The following GRIK4 variants were observed in gnomAD, a reference collection of about 807,000 sequenced individuals.
The protein encoded by GRIK4 is glutamate ionotropic receptor kainate type subunit 4, also known as glutamate receptor ionotropic, kainate 4.
Under a neutral mutation model 104.9 loss-of-function variants are expected in GRIK4, and 40 were observed. The ratio of observed to expected loss-of-function variants is 0.38; its 90% confidence interval spans 0.30 to 0.50. GRIK4 has a LOEUF of 0.50. Among genes scored for constraint, GRIK4 ranks in the 20% least tolerant of loss-of-function variants. GRIK4 has a pLI of 0.93. For synonymous variants in GRIK4, 485 were observed against 524.9 expected (o/e 0.92, Z 1.04); for missense variants, 1,047 against 1,308.1 (o/e 0.80, Z 3.08).
At chr11:120,562,899 G>T (rs1948257684) in intron 1 of GRIK4, among the ~76,000 whole-genome samples, 2 of 152,194 alleles carry the variant, frequency 1.3e-5, no homozygotes, top group Non-Finnish European at 2.9e-5. Context: ...GATCAGAATG[G>T]GCAGCCAGCC....
intron 1 of GRIK4, among the ~76,000 whole-genome samples, chr11:120,520,620 C>A (rs571485542): frequency 1.3e-5 from 2 of 152,090 alleles, no homozygotes; most frequent in Non-Finnish European, 2.9e-5. Flanking sequence ...CCCACTGGAC[C>A]AACCAGGGTT....
chr11:120,940,361 T>C lies in GRIK4; in HGVS notation c.1491T>C (p.Ala497=), dbSNP rs1328669820. 2 of 1,611,588 alleles carry C rather than the reference T, an allele frequency of 1.2e-6. No homozygotes were observed. The highest frequency in any genetic ancestry group is 1.1e-5 in the South Asian group (1 of 90,912). ...GTTCTTTTCAGAAAGCAGATCTGGC[T>C]GTGGCAGGCCTCACCATTACAGCTG... ...GELIARKADL[A]VAGLTITAER... The change falls in exon 14 of 21, where the codon GCT becomes GCC. Residue 497 remains alanine, a synonymous_variant. Coordinates refer to ENST00000527524, the MANE Select transcript of GRIK4 (RefSeq NM_014619.5). This position sits in a 1 kb window ranked among gnomAD's most constrained non-coding sequence, Gnocchi z 4.3.
At chr11:120,625,815 A>G (rs1213023088) in intron 1 of GRIK4, among the ~76,000 whole-genome samples, 2 of 152,000 alleles carry the variant, frequency 1.3e-5, no homozygotes, top group South Asian at 4.2e-4. Flanking sequence ...GGAAGGACTC[A>G]TCAGGGTAGA....
At chr11:120,529,820 A>G (rs1947904918) in intron 1 of GRIK4, among the ~76,000 whole-genome samples, 1 of 152,210 alleles carries the variant, frequency 6.6e-6, no homozygotes, top group African/African-American at 2.4e-5. Flanking sequence ...TTTCACATCC[A>G]GCATCTCATT....
intron 13 of GRIK4, among the ~76,000 whole-genome samples, chr11:120,909,579 AG>A (rs1431060648): frequency 2.0e-5 from 3 of 152,204 alleles, no homozygotes; most frequent in Admixed American, 1.3e-4. Flanking sequence ...ATGAGGTGCC[AG>A]GGTATGTATG....
At chr11:120,882,231 G>A (rs1954987249) in intron 11 of GRIK4, among the ~76,000 whole-genome samples, 1 of 152,170 alleles carries the variant, frequency 6.6e-6, no homozygotes, top group African/African-American at 2.4e-5. Context: ...GCTCAGACAG[G>A]TTGAGGGGGG....
intron 11 of GRIK4, among the ~76,000 whole-genome samples, chr11:120,884,746 C>T (rs1391107871): frequency 2.0e-5 from 3 of 152,334 alleles, no homozygotes; most frequent in East Asian, 3.9e-4. Context: ...CAAGAGCTGC[C>T]GACACCCTCA....
chr11:120,660,056 C>T (rs1032377036), intron 2 of GRIK4, among the ~76,000 whole-genome samples: 8 of 152,222 alleles, frequency 5.3e-5, no homozygotes, highest in African/African-American at 1.9e-4. Context: ...TTCTTCATTT[C>T]TAATGACACG....
At chr11:120,661,436 A>G (rs1024220533) in intron 3 of GRIK4, among the ~76,000 whole-genome samples, 9 of 151,184 alleles carry the variant, frequency 6.0e-5, no homozygotes, top group African/African-American at 2.2e-4. Flanking sequence ...CTCTTCCCAC[A>G]CTGGGGGTGG....
At chr11:120,539,527 A>G (rs549606081) in intron 1 of GRIK4, among the ~76,000 whole-genome samples, 2 of 152,324 alleles carry the variant, frequency 1.3e-5, no homozygotes, top group Admixed American at 6.5e-5. Flanking sequence ...CAGGACACAC[A>G]GCTGCCCCAT....
Position 120,874,164 on chromosome 11 carries a change from C to T in GRIK4, c.1005C>T (p.Cys335=), listed in dbSNP as rs144912666. The T allele has an allele frequency of 7.5e-5, 121 of 1,613,672 alleles. No homozygotes were observed. The highest frequency in any genetic ancestry group is 8.5e-5 in the Non-Finnish European group (100 of 1,179,916). The change falls in exon 10 of 21, where the codon TGC becomes TGT. Residue 335 remains cysteine, a synonymous_variant. Coordinates refer to ENST00000527524, the MANE Select transcript of GRIK4 (RefSeq NM_014619.5). ...AGATCGGCGTGAAGCCCTTGTCCTG[C>T]GGCTCGGCCCAGATCTGGCAGCACG... is the stretch of plus-strand genomic sequence containing the variant. ...SQEIGVKPLS[C]GSAQIWQHGT... is the part of the protein sequence containing the mutation.
At chr11:120,781,722 G>A (rs1182490504) in intron 3 of GRIK4, among the ~76,000 whole-genome samples, 4 of 152,158 alleles carry the variant, frequency 2.6e-5, no homozygotes, top group Admixed American at 6.5e-5. Context: ...GGATGCAAGC[G>A]GATGAAGCTG....
chr11:120,787,704 C>A (rs1408020581), intron 3 of GRIK4, among the ~76,000 whole-genome samples: 1 of 151,586 alleles, frequency 6.6e-6, no homozygotes, highest in Non-Finnish European at 1.5e-5. Flanking sequence ...CTCACGTGAT[C>A]CACCTGCCTT....
intron 7 of GRIK4, among the ~76,000 whole-genome samples, 177 bp downstream of exon 7, chr11:120,832,207 A>C (rs12283648): frequency 0.2 from 30,565 of 152,128 alleles, 3,419 homozygotes; most frequent in Admixed American, 0.33. Context: ...AGAAGAAAGC[A>C]GGGTGAGGGT....
chr11:120,838,931 C>T (rs1953649818), intron 8 of GRIK4, among the ~76,000 whole-genome samples: 1 of 152,024 alleles, frequency 6.6e-6, no homozygotes, highest in Non-Finnish European at 1.5e-5. Context: ...GGATTACAGG[C>T]ACACGCCACC....
chr11:120,606,270 C>T (rs574071836), intron 1 of GRIK4, among the ~76,000 whole-genome samples: 1 of 152,320 alleles, frequency 6.6e-6, no homozygotes, highest in South Asian at 2.1e-4. Context: ...CCCCTCCCCA[C>T]GCCCCTCCTC....
chr11:120,800,257 G>A (rs1266256095), intron 3 of GRIK4, among the ~76,000 whole-genome samples: 4 of 152,174 alleles, frequency 2.6e-5, no homozygotes, highest in African/African-American at 9.7e-5. Context: ...GTGGGAGCTG[G>A]TATGGGGCTG....
intron 3 of GRIK4, among the ~76,000 whole-genome samples, chr11:120,747,082 G>A (rs769253630): frequency 2.6e-5 from 4 of 152,184 alleles, no homozygotes; most frequent in African/African-American, 9.7e-5. Context: ...TGGCATCCCT[G>A]AAATAACAGG....
chr11:120,836,100 A>G (rs1386935142), intron 7 of GRIK4, among the ~76,000 whole-genome samples: 1 of 152,210 alleles, frequency 6.6e-6, no homozygotes, highest in Non-Finnish European at 1.5e-5. Context: ...GCTACAACCT[A>G]CGGACTCTCT....
Sources: allele counts gnomAD v4.1 joint callset (sites outside exome capture counted in the v4.1 genomes callset), GRCh38; gene constraint gnomAD v4.1.1; non-coding constraint Gnocchi (gnomAD v3.1); transcripts MANE v1.5; gene names NCBI Gene and HGNC (gene_info 2026-07-23, HGNC 2026-07-21).